Variants in STK32B observed in about 807,000 individuals in gnomAD.
STK32B encodes serine/threonine kinase 32B.
STK32B carries 43 observed loss-of-function variants against 52.6 expected under a neutral mutation model. That is an observed-to-expected ratio of 0.82 (90% CI 0.64 to 1.05). The LOEUF (loss-of-function observed/expected upper bound fraction) is 1.05. Ranked by LOEUF, STK32B falls within the 50% of genes least tolerant of loss-of-function variation. The pLI is 0.00. For missense variants in STK32B, 621 were observed against 534.6 expected, an observed-to-expected ratio of 1.16 and a Z score of -1.59; for synonymous variants, 238 against 204.3, an observed-to-expected ratio of 1.17 and a Z score of -1.41.
At chr4:5,226,727 A>G (rs533692292) in intron 3 of STK32B, among the ~76,000 whole-genome samples, 1 of 152,356 alleles carries the variant, frequency 6.6e-6, no homozygotes, top group Admixed American at 6.5e-5. Flanking sequence ...AGCCAAATAT[A>G]TGCCAAAGAG....
At chr4:5,107,286 G>A (rs1370462490) in intron 1 of STK32B, among the ~76,000 whole-genome samples, 1 of 151,848 alleles carries the variant, frequency 6.6e-6, no homozygotes, top group African/African-American at 2.4e-5. Context: ...ATAAGCTCAG[G>A]GCTCCCACTG....
chr4:5,495,689 T>A (rs1002361960), intron 11 of STK32B, among the ~76,000 whole-genome samples: 2 of 152,304 alleles, frequency 1.3e-5, no homozygotes, highest in South Asian at 4.1e-4. Context: ...GCTCTGTTTT[T>A]TCCCCATCTT....
At chr4:5,241,634 G>C (rs1480507617) in intron 3 of STK32B, among the ~76,000 whole-genome samples, 1 of 151,798 alleles carries the variant, frequency 6.6e-6, no homozygotes, top group African/African-American at 2.4e-5. Context: ...ATGCAGGTTT[G>C]TTACATATGT....
chr4:5,455,563 G>T (rs1053945287), intron 7 of STK32B, among the ~76,000 whole-genome samples: 4 of 152,176 alleles, frequency 2.6e-5, no homozygotes, highest in African/African-American at 9.7e-5. Flanking sequence ...AGAACTCAAG[G>T]TGCAGCCAGT....
intron 4 of STK32B, among the ~76,000 whole-genome samples, chr4:5,354,531 G>T (rs1734050286): frequency 2.6e-5 from 4 of 152,224 alleles, no homozygotes; most frequent in Admixed American, 2.6e-4. Flanking sequence ...CTCTCAAAGT[G>T]CTGGGATTAC....
At chr4:5,127,149 AT>A in intron 1 of STK32B, 1 of 505,222 alleles carries the variant, frequency 2.0e-6, no homozygotes, top group Non-Finnish European at 4.0e-6. Context: ...GATGCCAATG[AT>A]TACATTTTTA....
the STK32B span, among the ~76,000 whole-genome samples, chr4:5,040,419 A>C: frequency 7.4e-6 from 1 of 136,012 alleles, no homozygotes; most frequent in African/African-American, 2.9e-5. Flanking sequence ...TTTTGAGACG[A>C]AGTCTCGCTG....
At chr4:5,431,637 G>T (rs1560405087) in intron 6 of STK32B, among the ~76,000 whole-genome samples, 1 of 151,802 alleles carries the variant, frequency 6.6e-6, no homozygotes, top group Non-Finnish European at 1.5e-5. Context: ...ATTAAACATT[G>T]TTTCCTCTCC....
chr4:5,342,756 G>C (rs1449475874), intron 4 of STK32B, among the ~76,000 whole-genome samples: 1 of 152,106 alleles, frequency 6.6e-6, no homozygotes, highest in East Asian at 1.9e-4. Flanking sequence ...TTTCTACCTT[G>C]TTCATCTTCG....
rs2109048328 is a variant in STK32B, at chr4:5,400,157, T to C, written c.472+1913T>C. ...GGTAACCCAGGACTGCCTGGCTTCA[T>C]AGTTCTGGCTCCATCCTCACAGACC... is the stretch of plus-strand genomic sequence containing the variant. On this transcript the variant is annotated intron_variant, in intron 5 of 11. Transcript: ENST00000282908. The surrounding 1 kb of genome is among the most constrained non-coding windows in gnomAD (Gnocchi z 6.1). Among the ~76,000 whole-genome samples, 1 of 152,328 alleles carries C rather than the reference T, an allele frequency of 6.6e-6. No individual in the cohort carries two copies. The highest frequency in any genetic ancestry group is 2.1e-4 in the South Asian group (1 of 4,828).
chr4:5,080,225 G>A (rs1712333522), intron 1 of STK32B, among the ~76,000 whole-genome samples: 2 of 152,022 alleles, frequency 1.3e-5, no homozygotes, highest in South Asian at 4.2e-4. Context: ...TTATGATCAG[G>A]CCCCCTGCCA....
chr4:5,430,727 T>C (rs866212239), intron 6 of STK32B, among the ~76,000 whole-genome samples: 6 of 152,138 alleles, frequency 3.9e-5, no homozygotes, highest in Non-Finnish European at 7.3e-5. Flanking sequence ...TAGCATTGAG[T>C]CAATCTAATT....
chr4:5,092,663 C>T (rs1206166888), intron 1 of STK32B, among the ~76,000 whole-genome samples: 1 of 152,170 alleles, frequency 6.6e-6, no homozygotes, highest in Non-Finnish European at 1.5e-5. Context: ...GAGTCCGTCT[C>T]ATCTGGCAGG....
chr4:5,320,064 A>G (rs1012224043), intron 3 of STK32B, among the ~76,000 whole-genome samples: 1 of 152,196 alleles, frequency 6.6e-6, no homozygotes, highest in African/African-American at 2.4e-5. Flanking sequence ...GGTGGAACAG[A>G]CACTGATGAG....
chr4:5,309,246 A>G (rs181605099), intron 3 of STK32B, among the ~76,000 whole-genome samples: 3 of 152,290 alleles, frequency 2.0e-5, no homozygotes, highest in East Asian at 3.9e-4. Flanking sequence ...TGAAGAAGAC[A>G]CAGAAAAATG....
chr4:5,127,728 A>C (rs934091489), intron 1 of STK32B, among the ~76,000 whole-genome samples: 1 of 152,186 alleles, frequency 6.6e-6, no homozygotes, highest in East Asian at 1.9e-4. Context: ...AGGGAAGGCC[A>C]AGGATGGCTG....
chr4:5,257,287 ATGAG>A lies in STK32B; in HGVS notation c.261-73925_261-73922del, dbSNP rs775668970. 1.2e-3 allele frequency among the ~76,000 whole-genome samples: 181 copies of A among 151,684 alleles called. 2 individuals are homozygous for A. Among genetic ancestry groups the A allele is most frequent in the African/African-American group, 4.0e-3 (165 of 41,262 alleles). On this transcript the variant is annotated intron_variant, in intron 3 of 11. Transcript: ENST00000282908. ...AGTGAATGATGAAGTGAGTGAGTAAATGAGTGAGTGAATGAATGAATGAGTAGAT... is the reference window on the plus strand; with the variant it reads ...AGTGAATGATGAAGTGAGTGAGTAAATGAGTGAATGAATGAATGAGTAGAT...
intron 1 of STK32B, among the ~76,000 whole-genome samples, chr4:5,052,577 C>G (rs989572771): frequency 6.6e-6 from 1 of 152,112 alleles, no homozygotes; most frequent in Admixed American, 6.5e-5. Flanking sequence ...CTAGCAGAAC[C>G]CTCTTTCCAG....
chr4:5,363,900 A>G (rs543569792), intron 4 of STK32B, among the ~76,000 whole-genome samples: 18 of 152,178 alleles, frequency 1.2e-4, no homozygotes, highest in Admixed American at 1.0e-3. Context: ...CCCTCCTGGC[A>G]TATTCAGATG....
Sources: allele counts gnomAD v4.1 joint callset (sites outside exome capture counted in the v4.1 genomes callset), GRCh38; gene constraint gnomAD v4.1.1; non-coding constraint Gnocchi (gnomAD v3.1); transcripts MANE v1.5; gene names NCBI Gene and HGNC (gene_info 2026-07-23, HGNC 2026-07-21).